MCUB: variants seen among roughly 807,000 people sequenced by gnomAD.
MCUB encodes mitochondrial calcium uniporter dominant negative subunit beta.
Under a neutral mutation model 41.4 loss-of-function variants are expected in MCUB, and 46 were observed. That is an observed-to-expected ratio of 1.11 (90% CI 0.88 to 1.42). The LOEUF (loss-of-function observed/expected upper bound fraction) is 1.42, where lower values mean the gene tolerates loss of function less well. MCUB is among the 40% of genes most tolerant of loss of function. The probability of loss-of-function intolerance (pLI) is 0.00; values close to 1 mark genes in which losing one functional copy is unlikely to be tolerated. For missense variants in MCUB, 403 were observed against 404.9 expected (o/e 1.00, Z 0.04); for synonymous variants, 148 against 148.2 (o/e 1.00, Z 0.01).
intron 4 of MCUB, among the ~76,000 whole-genome samples, chr4:109,668,260 C>A (rs1448936072): frequency 6.6e-6 from 1 of 152,082 alleles, no homozygotes; most frequent in Non-Finnish European, 1.5e-5. Context: ...AACATGAATT[C>A]ATCTATTTCT....
intron 1 of MCUB, among the ~76,000 whole-genome samples, chr4:109,605,150 G>T (rs535808330): frequency 1.3e-5 from 2 of 152,064 alleles, no homozygotes; most frequent in South Asian, 2.1e-4. Context: ...TTGGGTCTTG[G>T]GCTTTTTTTT....
Position 109,660,228 on chromosome 4 carries a change from T to A in MCUB, c.209T>A (p.Leu70Ter). The change falls in exon 3 of 8, where the codon TTG (leucine) becomes TAG (stop). Residue 70 changes from leucine to a stop codon, truncating the protein, a stop_gained. Coordinates refer to ENST00000394650, the MANE Select transcript of MCUB (RefSeq NM_017918.5). LOFTEE classifies it high-confidence loss of function. ...ITVIYRHGLP[L>*]VTLTLPSRKE... ...GTTATTTATAGACATGGCCTTCCCT[T>A]GGTAACACTTACCTTGCCATCTAGA... is the stretch of plus-strand genomic sequence containing the variant. The A allele has an allele frequency of 6.3e-7, 1 of 1,595,466 alleles. No individual in the cohort carries two copies. Among genetic ancestry groups the A allele is most frequent in the Admixed American group, 1.7e-5 (1 of 59,464 alleles).
chr4:109,626,273 GA>G (rs60225094), intron 1 of MCUB, among the ~76,000 whole-genome samples: 3,408 of 151,994 alleles, frequency 0.022, 115 homozygotes, highest in African/African-American at 0.079. Context: ...AAATTTACAA[GA>G]AAAAAAGTTC....
At chr4:109,583,581 C>G (rs1359441843) in intron 1 of MCUB, among the ~76,000 whole-genome samples, 1 of 152,178 alleles carries the variant, frequency 6.6e-6, no homozygotes, top group Non-Finnish European at 1.5e-5. Context: ...TTGCCCTGGT[C>G]AGAACTTCCA....
chr4:109,648,167 G>C (rs967036871), intron 1 of MCUB, among the ~76,000 whole-genome samples: 1 of 152,162 alleles, frequency 6.6e-6, no homozygotes, highest in Non-Finnish European at 1.5e-5. Context: ...TTTTCTCTGG[G>C]TTGTAGTCCT....
rs374350536 is a variant in MCUB at position 109,603,843 on chromosome 4, G to A, written c.99+43407G>A. Among the ~76,000 whole-genome samples the A allele has an allele frequency of 8.9e-4, 135 of 151,892 alleles. 1 individual carries two copies. Among genetic ancestry groups the A allele is most frequent in the South Asian group, 7.5e-3 (36 of 4,792 alleles). On this transcript the variant is annotated intron_variant, in intron 1 of 7. Transcript: ENST00000394650. ...TCTGCCCGGCCACCACGTTTGGGAAGTGAGGAGCCTCTCTGCCCGGCCGCC... is the reference window on the plus strand; with the variant it reads ...TCTGCCCGGCCACCACGTTTGGGAAATGAGGAGCCTCTCTGCCCGGCCGCC...
At chr4:109,616,414 T>C (rs988625756) in intron 1 of MCUB, among the ~76,000 whole-genome samples, 3 of 152,256 alleles carry the variant, frequency 2.0e-5, no homozygotes, top group African/African-American at 7.2e-5. Context: ...TAGTGGAATA[T>C]GCACAATAGG....
At chr4:109,632,370 A>G (rs535511798) in intron 1 of MCUB, among the ~76,000 whole-genome samples, 1 of 152,228 alleles carries the variant, frequency 6.6e-6, no homozygotes, top group East Asian at 1.9e-4. Flanking sequence ...CTAATCTAAA[A>G]TAGTGAGAAG....
At chr4:109,563,545 G>A (rs964202237) in intron 1 of MCUB, among the ~76,000 whole-genome samples, 13 of 152,166 alleles carry the variant, frequency 8.5e-5, no homozygotes, top group Non-Finnish European at 8.8e-5. Context: ...AAGTGTTGGT[G>A]ATTGTATTTA....
chr4:109,678,769 T>C (rs1729641843), intron 4 of MCUB, among the ~76,000 whole-genome samples: 1 of 134,916 alleles, frequency 7.4e-6, no homozygotes, highest in African/African-American at 2.9e-5. Context: ...GAGGTGCTCC[T>C]CACTTCCCAG....
rs545185712 is a variant in MCUB at position 109,677,880 on chromosome 4, G to A, written c.452-4702G>A. ...TTTCTCGGAGAGGGGGATGTGGCAGGGTCATAGGATAATAGTGGAGAGAAG... is the reference window on the plus strand; with the variant it reads ...TTTCTCGGAGAGGGGGATGTGGCAGAGTCATAGGATAATAGTGGAGAGAAG... On this transcript the variant is annotated intron_variant, in intron 4 of 7. Coordinates refer to ENST00000394650, the MANE Select transcript of MCUB (RefSeq NM_017918.5). Among the ~76,000 whole-genome samples, 14 of 146,950 alleles carry A rather than the reference G, an allele frequency of 9.5e-5. No homozygotes were observed. In the South Asian group the frequency reaches 2.9e-3, roughly 30 times the overall value.
intron 1 of MCUB, among the ~76,000 whole-genome samples, chr4:109,629,845 T>C (rs1250212692): frequency 6.6e-6 from 1 of 152,216 alleles, no homozygotes; most frequent in Non-Finnish European, 1.5e-5. Flanking sequence ...AGCTTTATTA[T>C]GTAGGAATGA....
chr4:109,671,674 A>G (rs576704445), intron 4 of MCUB, among the ~76,000 whole-genome samples: 6 of 152,186 alleles, frequency 3.9e-5, no homozygotes, highest in Non-Finnish European at 8.8e-5. Flanking sequence ...TTGCTTTACT[A>G]TCCTACTCTG....
intron 1 of MCUB, among the ~76,000 whole-genome samples, chr4:109,626,835 A>T (rs972654687): frequency 6.6e-6 from 1 of 151,560 alleles, no homozygotes; most frequent in Non-Finnish European, 1.5e-5. Flanking sequence ...AAAAAAAAAA[A>T]AAAAAAAAAA....
intron 5 of MCUB, 53 bp from the exon 6 acceptor site, chr4:109,684,390 C>A: frequency 7.0e-7 from 1 of 1,418,570 alleles, no homozygotes; most frequent in Non-Finnish European, 9.6e-7. Flanking sequence ...GCTTTTTGTC[C>A]CTTTAGTTGG....
chr4:109,674,811 AT>A (rs1729536551), intron 4 of MCUB, among the ~76,000 whole-genome samples: 1 of 152,266 alleles, frequency 6.6e-6, no homozygotes, highest in Non-Finnish European at 1.5e-5. Flanking sequence ...AAATAGAAAT[AT>A]GTATTTTAAG....
chr4:109,597,232 T>C (rs1727579697), intron 1 of MCUB, among the ~76,000 whole-genome samples: 2 of 152,270 alleles, frequency 1.3e-5, no homozygotes, highest in East Asian at 3.9e-4. Flanking sequence ...TGGCCCGTTC[T>C]CAATGAGCTG....
At position 109,582,231 on chromosome 4, in the gene MCUB, C is replaced by G. The variant is rs534806157; in HGVS notation, c.99+21795C>G. ...GATGAGTTCATGTCCTTTGTAGGGA[C>G]ATGGATGAAGCTGGAAACCATCATT... On this transcript the variant is annotated intron_variant, in intron 1 of 7. Coordinates refer to ENST00000394650, the MANE Select transcript of MCUB (RefSeq NM_017918.5). Among the ~76,000 whole-genome samples the G allele has an allele frequency of 5.0e-3, 763 of 151,856 alleles. 5 individuals are homozygous for G. The highest frequency in any genetic ancestry group is 0.018 in the African/African-American group (734 of 41,382).
At chr4:109,633,995 C>T (rs1728533294) in intron 1 of MCUB, among the ~76,000 whole-genome samples, 1 of 151,642 alleles carries the variant, frequency 6.6e-6, no homozygotes, top group Admixed American at 6.6e-5. Context: ...TATTCCTGTC[C>T]TAACTCTTAT....
Sources: allele counts gnomAD v4.1 joint callset (sites outside exome capture counted in the v4.1 genomes callset), GRCh38; gene constraint gnomAD v4.1.1; transcripts MANE v1.5; gene names NCBI Gene and HGNC (gene_info 2026-07-23, HGNC 2026-07-21).